TNS1: variants seen among roughly 807,000 people sequenced by gnomAD.
TNS1 encodes the protein tensin-1.
A neutral mutation model predicts 168.6 loss-of-function variants in TNS1; 62 were observed. That is an observed-to-expected ratio of 0.37 (90% confidence interval 0.30 to 0.45). The LOEUF is 0.45. Ranked by LOEUF, TNS1 falls within the 20% of genes least tolerant of loss-of-function variation. TNS1 has a pLI of 1.00. For missense variants in TNS1, 2,240 were observed against 2,339.4 expected (o/e 0.96, Z 0.88); for synonymous variants, 934 against 933.2 (o/e 1.00, Z -0.02).
At chr2:217,883,942 C>T (rs1420565987) in intron 16 of TNS1, among the ~76,000 whole-genome samples, 3 of 152,198 alleles carry the variant, frequency 2.0e-5, no homozygotes, top group Non-Finnish European at 4.4e-5. Flanking sequence ...GGCATCTGCT[C>T]CATGGGACAC....
At chr2:217,918,370 C>T (rs1955331615) in intron 4 of TNS1, among the ~76,000 whole-genome samples, 1 of 152,184 alleles carries the variant, frequency 6.6e-6, no homozygotes, top group Non-Finnish European at 1.5e-5. Context: ...GTGACTCAGG[C>T]AGGGGAGCCT....
intron 3 of TNS1, among the ~76,000 whole-genome samples, chr2:217,946,828 A>C (rs1010328698): frequency 6.6e-6 from 1 of 152,114 alleles, no homozygotes; most frequent in African/African-American, 2.4e-5. Flanking sequence ...AAGGAAGTCA[A>C]CAAGCTAGAG....
rs1012061214 is a variant in TNS1, at chr2:217,813,494, A to T, written c.4862-187T>A. On this transcript the variant is annotated intron_variant, in intron 26 of 32. Coordinates refer to ENST00000682258, the MANE Select transcript of TNS1 (RefSeq NM_001387777.1). This position sits in a 1 kb window ranked among gnomAD's most constrained non-coding sequence, Gnocchi z 4.0. Reference sequence around the variant, plus strand: ...TGCTCTCCCACCCCTCAGGAAACACATGGCAGGCACCCAATCGTCCTGCTT... The same window carrying T: ...TGCTCTCCCACCCCTCAGGAAACACTTGGCAGGCACCCAATCGTCCTGCTT... Among the ~76,000 whole-genome samples, 3 of 152,092 alleles carry T rather than the reference A, an allele frequency of 2.0e-5. No homozygotes were observed. The highest frequency in any genetic ancestry group is 7.2e-5 in the African/African-American group (3 of 41,416).
intron 3 of TNS1, among the ~76,000 whole-genome samples, chr2:217,930,754 C>A (rs191787508): frequency 1.3e-5 from 2 of 152,294 alleles, no homozygotes; most frequent in East Asian, 3.9e-4. Context: ...GGGAAGCCAG[C>A]CGCCATGCTA....
Position 217,847,882 on chromosome 2 carries a change from G to A in TNS1, c.2635C>T (p.Arg879Cys), listed in dbSNP as rs146037843. 2.7e-4 allele frequency: 425 copies of A among 1,565,402 alleles called. 1 individual carries two copies. The highest frequency in any genetic ancestry group is 9.8e-4 in the African/African-American group (73 of 74,184). ...LSSQPLSGSSRQSHPLTQSRS... is the reference protein window; with the variant it reads ...LSSQPLSGSSCQSHPLTQSRS... ...GACTGGGTCAGTGGATGGGACTGAC[G>A]GGAGGATCCAGAGAGGGGCTGGGAG... The change falls in exon 19 of 33, where the codon CGT becomes TGT. Residue 879 changes from arginine (R) to cysteine (C), a missense_variant. Physicochemically the swap from Arg to Cys is radical, Grantham distance 180. This residue lies in a region of TNS1 where 2,131 missense variants were observed against 2,171.2 expected (regional missense o/e 0.98). Transcript: ENST00000682258.
At chr2:217,957,839 G>A (rs1470695520) in intron 3 of TNS1, among the ~76,000 whole-genome samples, 9 of 66,340 alleles carry the variant, frequency 1.4e-4, no homozygotes, top group Admixed American at 5.8e-4. Flanking sequence ...AAGTACTCCC[G>A]CAAAAAAAAA....
chr2:217,911,552 CT>C (rs1188212692), intron 4 of TNS1, among the ~76,000 whole-genome samples: 2 of 152,210 alleles, frequency 1.3e-5, no homozygotes, highest in Admixed American at 6.5e-5. Flanking sequence ...AGAATTACAA[CT>C]ATTCATTTAG....
At chr2:217,984,247 T>C (rs561251536) in intron 2 of TNS1, among the ~76,000 whole-genome samples, 1 of 152,310 alleles carries the variant, frequency 6.6e-6, no homozygotes, top group South Asian at 2.1e-4. Context: ...CCTTGACTGA[T>C]ACAAGGTGTC....
chr2:217,886,899 G>A (rs1005792083), intron 12 of TNS1, among the ~76,000 whole-genome samples: 3 of 152,038 alleles, frequency 2.0e-5, no homozygotes, highest in South Asian at 2.1e-4. Context: ...CTTGGAGTTC[G>A]CCACCGCCCT....
In TNS1 at chr2:217,837,208, G is replaced by A. The variant is rs566890429; in HGVS notation, c.3008-997C>T. Among the ~76,000 whole-genome samples the A allele has an allele frequency of 3.9e-5, 6 of 152,244 alleles. No individual in the cohort carries two copies. The South Asian group carries it at 1.2e-3, about 32-fold the overall frequency. On this transcript the variant is annotated intron_variant, in intron 19 of 32. Coordinates refer to ENST00000682258, the MANE Select transcript of TNS1 (RefSeq NM_001387777.1). ...AAGGCCTCAGGTCACATGGGTCAGC[G>A]TGTGTGCACACACACTGCACACACA...
At chr2:217,811,661 G>A (rs910423171) in intron 28 of TNS1, among the ~76,000 whole-genome samples, 19 of 152,302 alleles carry the variant, frequency 1.2e-4, no homozygotes, top group African/African-American at 4.6e-4. Context: ...TGTTGCTGAG[G>A]GCTGGGCAGT....
chr2:217,833,159 G>A (rs574414820), intron 21 of TNS1, among the ~76,000 whole-genome samples: 4 of 152,354 alleles, frequency 2.6e-5, no homozygotes, highest in Non-Finnish European at 4.4e-5. Context: ...ACAGGTACGC[G>A]CATGTTTAAC....
chr2:217,992,942 C>T (rs969833901), intron 1 of TNS1, among the ~76,000 whole-genome samples: 3 of 152,210 alleles, frequency 2.0e-5, no homozygotes, highest in South Asian at 2.1e-4. Flanking sequence ...ATGCAGTCAT[C>T]GCCACATAAT....
intron 3 of TNS1, among the ~76,000 whole-genome samples, chr2:217,946,521 C>T (rs1218035240): frequency 6.6e-6 from 1 of 152,190 alleles, no homozygotes; most frequent in Non-Finnish European, 1.5e-5. Flanking sequence ...TAATACAGCA[C>T]TAGGCTGTAC....
At chr2:217,982,819 C>A (rs570984063) in intron 2 of TNS1, among the ~76,000 whole-genome samples, 1 of 152,326 alleles carries the variant, frequency 6.6e-6, no homozygotes, top group Admixed American at 6.5e-5. Context: ...TGCTGGGAAC[C>A]AAGGCCAGAG....
chr2:217,923,467 T>C (rs1955842432), intron 3 of TNS1, among the ~76,000 whole-genome samples: 1 of 152,214 alleles, frequency 6.6e-6, no homozygotes, highest in Non-Finnish European at 1.5e-5. Context: ...GTTGTCATTA[T>C]TATCCCCATT....
At chr2:217,961,525 A>C (rs1208319340) in intron 3 of TNS1, among the ~76,000 whole-genome samples, 3 of 152,172 alleles carry the variant, frequency 2.0e-5, no homozygotes, top group Admixed American at 2.0e-4. Flanking sequence ...AGGCCTTTAA[A>C]ATCCTCTGAT....
chr2:217,879,226 C>A, intron 18 of TNS1: 1 of 302,080 alleles, frequency 3.3e-6, no homozygotes, highest in South Asian at 2.4e-5. Context: ...TTATAGTTTA[C>A]TAAATGTTTT....
upstream of TNS1, among the ~76,000 whole-genome samples, chr2:218,007,831 T>C (rs1958673792): frequency 6.6e-6 from 1 of 152,062 alleles, no homozygotes; most frequent in South Asian, 2.1e-4. Context: ...AGAGGGTGCA[T>C]GAGTGGGAGC....
Sources: allele counts gnomAD v4.1 joint callset (sites outside exome capture counted in the v4.1 genomes callset), GRCh38; gene constraint gnomAD v4.1.1; regional missense constraint gnomAD v4.1.1; non-coding constraint Gnocchi (gnomAD v3.1); transcripts MANE v1.5; gene names NCBI Gene and HGNC (gene_info 2026-07-23, HGNC 2026-07-21).